Variants in SLC26A7 observed in about 807,000 individuals in gnomAD.
The protein encoded by SLC26A7 is anion exchange transporter.
A neutral mutation model predicts 82.5 loss-of-function variants in SLC26A7; 59 were observed. The ratio of observed to expected loss-of-function variants is 0.72; its 90% CI spans 0.58 to 0.89. The LOEUF is 0.89. SLC26A7 is among the 40% of genes least tolerant of loss of function. The pLI is 0.00. For synonymous variants in SLC26A7, 271 were observed against 274.3 expected (o/e 0.99, Z 0.12); for missense variants, 820 against 793.0 (o/e 1.03, Z -0.41).
rs544464042 is a variant in SLC26A7 at position 91,381,020 on chromosome 8, GA to G, written c.1676-8312del. ...TATACATCTTATAAACAATGTTGGG[GA>G]AAAAAGCAAGACAAATGAAAACATA... On this transcript the variant is annotated intron_variant, in intron 15 of 18. Coordinates refer to ENST00000276609, the MANE Select transcript of SLC26A7 (RefSeq NM_052832.4). Among the ~76,000 whole-genome samples, 981 of 152,062 alleles carry G rather than the reference GA, an allele frequency of 6.5e-3. 13 individuals are homozygous for G. The highest frequency in any genetic ancestry group is 0.022 in the African/African-American group (926 of 41,494).
intron 15 of SLC26A7, among the ~76,000 whole-genome samples, chr8:91,385,103 C>T (rs1333536536): frequency 3.3e-5 from 5 of 152,224 alleles, no homozygotes; most frequent in East Asian, 1.9e-4. Flanking sequence ...GAGTTAATTA[C>T]CCACCCACAC....
At chr8:91,342,870 C>T (rs1813458265) in intron 8 of SLC26A7, among the ~76,000 whole-genome samples, 1 of 152,120 alleles carries the variant, frequency 6.6e-6, no homozygotes, top group Non-Finnish European at 1.5e-5. Flanking sequence ...CCACAAAAGG[C>T]ATTAAAATGT....
rs112974010 is a variant in SLC26A7 at position 91,316,223 on chromosome 8, G to A, written c.478-1993G>A. 4.1e-3 allele frequency among the ~76,000 whole-genome samples: 623 copies of A among 152,074 alleles called. 8 individuals are homozygous for A. The highest frequency in any genetic ancestry group is 0.015 in the African/African-American group (604 of 41,500). On this transcript the variant is annotated intron_variant, in intron 4 of 18. Coordinates refer to ENST00000276609, the MANE Select transcript of SLC26A7 (RefSeq NM_052832.4). ...GTGCCCTCTTGATAAAGGAGATCTC[G>A]TTGTTATCCTTCCCTCCGATTTCTT...
At chr8:91,238,703 T>G (rs534595209) in intron 2 of SLC26A7, among the ~76,000 whole-genome samples, 1 of 152,082 alleles carries the variant, frequency 6.6e-6, no homozygotes, top group African/African-American at 2.4e-5. Flanking sequence ...CCGGTTATGT[T>G]AAGTATCTTG....
At chr8:91,394,782 A>T (rs548290037) in intron 18 of SLC26A7, 21 of 990,700 alleles carry the variant, frequency 2.1e-5, no homozygotes, top group Non-Finnish European at 2.6e-5. Flanking sequence ...TGAATTTGCC[A>T]TGACCTTATG....
At chr8:91,222,275 G>C (rs937120929) in intron 2 of SLC26A7, among the ~76,000 whole-genome samples, 5 of 152,160 alleles carry the variant, frequency 3.3e-5, no homozygotes, top group Non-Finnish European at 7.3e-5. Context: ...GGGCTGAGAT[G>C]ATGGGGTTTT....
In SLC26A7 at chr8:91,380,198, G is replaced by A. The variant is rs182113495; in HGVS notation, c.1676-9140G>A. On this transcript the variant is annotated intron_variant, in intron 15 of 18. Coordinates refer to ENST00000276609, the MANE Select transcript of SLC26A7 (RefSeq NM_052832.4). ...GAAGTCTCCTACAAAGTCGGTGGTA[G>A]TATAAACTCTTACAAGTTGAGTATC... is the stretch of plus-strand genomic sequence containing the variant. Among the ~76,000 whole-genome samples, 122 of 152,208 alleles carry A rather than the reference G, an allele frequency of 8.0e-4. 1 individual carries two copies. The highest frequency in any genetic ancestry group is 6.6e-4 in the Non-Finnish European group (45 of 67,956).
At chr8:91,366,136 C>A (rs1814186136) in intron 13 of SLC26A7, among the ~76,000 whole-genome samples, 1 of 152,066 alleles carries the variant, frequency 6.6e-6, no homozygotes. Context: ...TATATTTCAG[C>A]TGAAGGAAAG....
At chr8:91,384,644 C>A (rs1279538534) in intron 15 of SLC26A7, among the ~76,000 whole-genome samples, 2 of 152,086 alleles carry the variant, frequency 1.3e-5, no homozygotes, top group Non-Finnish European at 2.9e-5. Context: ...AGTTTCCCTA[C>A]CTGATTGTGA....
At chr8:91,302,924 T>C (rs1046558239) in intron 4 of SLC26A7, among the ~76,000 whole-genome samples, 3 of 151,908 alleles carry the variant, frequency 2.0e-5, no homozygotes, top group African/African-American at 7.3e-5. Flanking sequence ...ACTCTTGTGA[T>C]TAGGACTCAT....
intron 2 of SLC26A7, among the ~76,000 whole-genome samples, chr8:91,220,358 AGT>A (rs1219489279): frequency 6.6e-6 from 1 of 151,980 alleles, no homozygotes; most frequent in Non-Finnish European, 1.5e-5. Flanking sequence ...CTGTTGAAAA[AGT>A]GTTTTTGTTT....
Position 91,311,573 on chromosome 8 carries a change from C to A in SLC26A7, c.478-6643C>A, listed in dbSNP as rs559857094. On this transcript the variant is annotated intron_variant, in intron 4 of 18. Transcript: ENST00000276609. Reference sequence around the variant, plus strand: ...TACATTTACAATGTTATGTAACCACCAACCACCTCCACCATTTGTAAACCA... The same window carrying A: ...TACATTTACAATGTTATGTAACCACAAACCACCTCCACCATTTGTAAACCA... Among the ~76,000 whole-genome samples, 468 of 152,188 alleles carry A rather than the reference C, an allele frequency of 3.1e-3. 3 individuals carry two copies. Among genetic ancestry groups the A allele is most frequent in the Admixed American group, 6.0e-3 (92 of 15,274 alleles).
At chr8:91,306,053 A>C (rs1176318170) in intron 4 of SLC26A7, among the ~76,000 whole-genome samples, 1 of 152,172 alleles carries the variant, frequency 6.6e-6, no homozygotes, top group Non-Finnish European at 1.5e-5. Context: ...AGTGGACTAT[A>C]TTCTGACCTC....
upstream of SLC26A7, among the ~76,000 whole-genome samples, chr8:91,245,315 CT>C (rs1285736921): frequency 6.6e-6 from 1 of 152,042 alleles, no homozygotes; most frequent in Non-Finnish European, 1.5e-5. Flanking sequence ...TTTTCTAGGC[CT>C]TTTAATTTTA....
chr8:91,379,573 T>G (rs946756062), intron 15 of SLC26A7, among the ~76,000 whole-genome samples: 1 of 152,048 alleles, frequency 6.6e-6, no homozygotes, highest in African/African-American at 2.4e-5. Flanking sequence ...AAGGACAGTC[T>G]TGATGATAAA....
At chr8:91,244,017 A>C (rs1024708691) in intron 2 of SLC26A7, among the ~76,000 whole-genome samples, 1 of 152,232 alleles carries the variant, frequency 6.6e-6, no homozygotes, top group African/African-American at 2.4e-5. Context: ...ACAGAATCAT[A>C]ATCTTCCAAT....
intron 4 of SLC26A7, among the ~76,000 whole-genome samples, chr8:91,304,448 C>A (rs1407264084): frequency 6.6e-6 from 1 of 152,142 alleles, no homozygotes; most frequent in Non-Finnish European, 1.5e-5. Flanking sequence ...TTCCCCTTTG[C>A]CCTTTTGCCA....
chr8:91,335,085 GAAAATAAAATCTTAACATATA>G (rs577595947), intron 6 of SLC26A7, among the ~76,000 whole-genome samples: 37 of 152,194 alleles, frequency 2.4e-4, no homozygotes, highest in African/African-American at 8.7e-4. Flanking sequence ...GCATTAAGTT[GAAAATAAAATCTTAACATATA>G]ACCACAGTCT....
At chr8:91,387,433 C>T (rs1814830433) in intron 15 of SLC26A7, among the ~76,000 whole-genome samples, 1 of 152,202 alleles carries the variant, frequency 6.6e-6, no homozygotes, top group Non-Finnish European at 1.5e-5. Context: ...TGAATGTCCA[C>T]TAACCACTTA....
Sources: gnomAD v4.1 joint callset for allele counts (sites outside exome capture counted in the v4.1 genomes callset) on GRCh38, gnomAD v4.1.1 for gene constraint, MANE v1.5 for transcripts, NCBI Gene and HGNC (gene_info 2026-07-23, HGNC 2026-07-21) for gene names.